The following NTM variants were observed in gnomAD, a reference collection of about 807,000 sequenced individuals.
NTM encodes IgLON family member 2.
A neutral mutation model predicts 42.1 loss-of-function variants in NTM; 13 were observed. The ratio of observed to expected loss-of-function variants is 0.31; its 90% CI spans 0.20 to 0.49. The LOEUF (loss-of-function observed/expected upper bound fraction) is 0.49. Among genes scored for constraint, NTM ranks in the 20% least tolerant of loss-of-function variants. The pLI is 0.99. For missense variants in NTM, 373 were observed against 452.8 expected (o/e 0.82, Z 1.60); for synonymous variants, 187 against 179.2 (o/e 1.04, Z -0.35).
intron 1 of NTM, among the ~76,000 whole-genome samples, chr11:131,805,490 T>G (rs3867238): frequency 0.75 from 114,207 of 151,800 alleles, 43,337 homozygotes; most frequent in East Asian, 0.8. Context: ...TGTTATCCGA[T>G]TATATTAGAA....
intron 3 of NTM, among the ~76,000 whole-genome samples, chr11:132,159,524 C>G (rs548993078): frequency 6.6e-6 from 1 of 152,188 alleles, no homozygotes; most frequent in East Asian, 1.9e-4. Flanking sequence ...TTTGTGTGAA[C>G]AAAGGGTAAA....
chr11:131,528,034 G>C (rs1458338179), intron 1 of NTM, among the ~76,000 whole-genome samples: 1 of 152,142 alleles, frequency 6.6e-6, no homozygotes, highest in Non-Finnish European at 1.5e-5. Context: ...GATGAGAAAT[G>C]CTCAACTGGT....
intron 1 of NTM, among the ~76,000 whole-genome samples, chr11:131,656,990 C>T (rs74341120): frequency 2.4e-4 from 37 of 152,110 alleles, no homozygotes; most frequent in African/African-American, 8.9e-4. Context: ...TGAGGAGTGT[C>T]CCTGGCTCTG....
intron 2 of NTM, among the ~76,000 whole-genome samples, chr11:132,060,440 T>A (rs1341216687): frequency 7.8e-6 from 1 of 128,508 alleles, no homozygotes; most frequent in African/African-American, 2.5e-5. Flanking sequence ...TGAACAGAGG[T>A]TGTATCCACA....
At chr11:131,374,097 G>C (rs572243944) in intron 1 of NTM, among the ~76,000 whole-genome samples, 9 of 152,224 alleles carry the variant, frequency 5.9e-5, no homozygotes, top group African/African-American at 2.2e-4. Flanking sequence ...ATCAGCCTGG[G>C]ATGATGGGAC....
chr11:132,107,599 G>A (rs2136678671), intron 2 of NTM, among the ~76,000 whole-genome samples: 1 of 151,792 alleles, frequency 6.6e-6, no homozygotes, highest in South Asian at 2.1e-4. Context: ...CAAACTCCTA[G>A]GGTCAAGTGA....
chr11:132,234,456 G>A (rs2088341072), intron 4 of NTM, among the ~76,000 whole-genome samples: 1 of 152,072 alleles, frequency 6.6e-6, no homozygotes, highest in Non-Finnish European at 1.5e-5. Flanking sequence ...CTCTCTCCCT[G>A]TTTTCTGTCT....
Position 132,044,111 on chromosome 11 carries a change from T to C in NTM, c.168-102171T>C, listed in dbSNP as rs547417692. 7.0e-5 allele frequency among the ~76,000 whole-genome samples: 5 copies of C among 71,282 alleles called. No homozygotes were observed. The East Asian group carries it at 1.9e-3, about 27-fold the overall frequency. 46.8% of individuals were successfully genotyped at this position (71,282 alleles called of 152,430 possible). A position where few individuals can be genotyped will look rare whatever the true frequency, so the allele number is the denominator to read the frequency against. ...GTATGTGTGTATGTATATGTGTGTA[T>C]GTGTATGTGTGTGTATATATGTGTG... On this transcript the variant is annotated intron_variant, in intron 2 of 8. Transcript: ENST00000683400.
chr11:131,419,891 T>C (rs1004054937), intron 1 of NTM, among the ~76,000 whole-genome samples: 4 of 152,220 alleles, frequency 2.6e-5, no homozygotes, highest in East Asian at 1.9e-4. Flanking sequence ...CTGCCCACCA[T>C]TTTTGGAGCA....
chr11:131,877,805 C>T (rs1413760476), intron 1 of NTM: 2 of 152,238 alleles, frequency 1.3e-5, no homozygotes, highest in Admixed American at 6.5e-5. Flanking sequence ...TCTGATACCA[C>T]AGGAGAAGAG....
chr11:132,176,366 A>G (rs1470086037), intron 3 of NTM, among the ~76,000 whole-genome samples: 1 of 92,302 alleles, frequency 1.1e-5, no homozygotes, highest in Non-Finnish European at 2.5e-5. Context: ...GAAAAAAAAA[A>G]AGAAAAAAAA....
At chr11:131,769,009 G>C (rs897335014) in intron 1 of NTM, among the ~76,000 whole-genome samples, 1 of 152,186 alleles carries the variant, frequency 6.6e-6, no homozygotes, top group South Asian at 2.1e-4. Flanking sequence ...CTTAATAGGG[G>C]AGGTATAGGG....
rs1477995498 is a variant in NTM, at chr11:132,104,940, T to A, written c.168-41342T>A. Among the ~76,000 whole-genome samples the A allele has an allele frequency of 6.2e-4, 3 of 4,808 alleles. 1 individual carries two copies. The highest frequency in any genetic ancestry group is 1.6e-3 in the African/African-American group (3 of 1,832). The allele number at this position is 4,808 out of a possible 152,430, so 3.2% of individuals were successfully genotyped here. On this transcript the variant is annotated intron_variant, in intron 2 of 8. Transcript: ENST00000683400. ...CTCTCTCTCCATATATACATATGTA[T>A]ATATATATATATATATATATATATA...
chr11:132,103,155 C>T (rs908241279), intron 2 of NTM, among the ~76,000 whole-genome samples: 2 of 152,346 alleles, frequency 1.3e-5, no homozygotes, highest in African/African-American at 2.4e-5. Flanking sequence ...CGCACACAGG[C>T]GCAGGCAGCA....
chr11:131,796,156 A>G (rs1207424071), intron 1 of NTM: 1 of 985,272 alleles, frequency 1.0e-6, no homozygotes, highest in East Asian at 1.1e-4. Context: ...AAAATGAAAT[A>G]TCGAAGCCCT....
intron 1 of NTM, among the ~76,000 whole-genome samples, chr11:131,593,606 C>T (rs2458782): frequency 0.81 from 123,175 of 151,816 alleles, 50,204 homozygotes; most frequent in African/African-American, 0.9. Flanking sequence ...AAGCCGTTAT[C>T]ACCTCTGCTT....
chr11:131,531,527 A>G (rs545348889), intron 1 of NTM, among the ~76,000 whole-genome samples: 2 of 152,302 alleles, frequency 1.3e-5, no homozygotes, highest in East Asian at 3.9e-4. Flanking sequence ...GGAAGGAAAC[A>G]CTTTCTTTTA....
At chr11:131,806,828 T>C (rs2092514693) in intron 1 of NTM, among the ~76,000 whole-genome samples, 1 of 152,234 alleles carries the variant, frequency 6.6e-6, no homozygotes, top group African/African-American at 2.4e-5. Flanking sequence ...TGCTAAGCAG[T>C]GCAGGATTAC....
intron 1 of NTM, among the ~76,000 whole-genome samples, chr11:131,636,653 C>T (rs1210316886): frequency 6.6e-6 from 1 of 152,170 alleles, no homozygotes; most frequent in East Asian, 1.9e-4. Flanking sequence ...TGCGCTGCTC[C>T]AGAGCCCACG....
Sources: gnomAD v4.1 joint callset for allele counts (sites outside exome capture counted in the v4.1 genomes callset) on GRCh38, gnomAD v4.1.1 for gene constraint, MANE v1.5 for transcripts, NCBI Gene and HGNC (gene_info 2026-07-23, HGNC 2026-07-21) for gene names.